The following PCYT1A variants were observed in gnomAD, a reference collection of about 807,000 sequenced individuals.
PCYT1A encodes phosphate cytidylyltransferase 1A, choline, also known as choline-phosphate cytidylyltransferase A.
PCYT1A carries 25 observed loss-of-function variants against 43.7 expected under a neutral mutation model. That is an observed-to-expected ratio of 0.57 (90% CI 0.42 to 0.80). The LOEUF (loss-of-function observed/expected upper bound fraction) is 0.80, where lower values mean the gene tolerates loss of function less well. PCYT1A is among the 30% of genes least tolerant of loss of function. The pLI, the probability that PCYT1A is intolerant of heterozygous loss-of-function variation, is 0.00. For missense variants in PCYT1A, 421 were observed against 474.2 expected (o/e 0.89, Z 1.04); for synonymous variants, 172 against 170.7 (o/e 1.01, Z -0.06).
chr3:196,279,405 A>G (rs1377793536), intron 1 of PCYT1A, among the ~76,000 whole-genome samples: 1 of 151,990 alleles, frequency 6.6e-6, no homozygotes, highest in Non-Finnish European at 1.5e-5. Flanking sequence ...CTGAAATTTG[A>G]GCACAGACTC....
At chr3:196,275,291 GA>G (rs1725552461) in intron 1 of PCYT1A, among the ~76,000 whole-genome samples, 1 of 152,248 alleles carries the variant, frequency 6.6e-6, no homozygotes, top group African/African-American at 2.4e-5. Flanking sequence ...AGCCAGACGA[GA>G]AAGACAAATA....
At chr3:196,284,119 A>G (rs1158340774) in intron 1 of PCYT1A, among the ~76,000 whole-genome samples, 3 of 152,238 alleles carry the variant, frequency 2.0e-5, no homozygotes, top group African/African-American at 7.2e-5. Context: ...TAGAAAAATC[A>G]GAAGGTCTGC....
intron 1 of PCYT1A, among the ~76,000 whole-genome samples, chr3:196,280,988 G>A (rs1476342600): frequency 6.6e-6 from 1 of 152,182 alleles, no homozygotes; most frequent in East Asian, 1.9e-4. Flanking sequence ...ATTACTACAA[G>A]GAACTATTTG....
At chr3:196,244,169 G>C (rs1194921417) in intron 5 of PCYT1A, among the ~76,000 whole-genome samples, 1 of 145,656 alleles carries the variant, frequency 6.9e-6, no homozygotes, top group Non-Finnish European at 1.5e-5. Context: ...ACTGAGGAGT[G>C]TCTCTGCCCG....
At position 196,247,858 on chromosome 3, in the gene PCYT1A, C is replaced by T; in HGVS notation, c.335-340G>A. On this transcript the variant is annotated intron_variant, in intron 4 of 8. Coordinates refer to ENST00000431016, the MANE Select transcript of PCYT1A (RefSeq NM_001312673.2). The surrounding 1 kb of genome is among the most constrained non-coding windows in gnomAD (Gnocchi z 4.8). ...CTGTTTTATTCACACTGGACTGGACCACCTAACATTTCCTTGGCAGACTTT... is the reference window on the plus strand; with the variant it reads ...CTGTTTTATTCACACTGGACTGGACTACCTAACATTTCCTTGGCAGACTTT... 2.0e-6 allele frequency: 1 copy of T among 491,492 alleles called. No individual in the cohort carries two copies. The highest frequency in any genetic ancestry group is 3.7e-6 in the Non-Finnish European group (1 of 268,512). The allele number at this position is 491,492 out of a possible 1,614,324, so 30.4% of individuals were successfully genotyped here. A position where few individuals can be genotyped will look rare whatever the true frequency, so the allele number is the denominator to read the frequency against.
At chr3:196,250,376 A>G (rs1475199062) in intron 3 of PCYT1A, among the ~76,000 whole-genome samples, 1 of 151,530 alleles carries the variant, frequency 6.6e-6, no homozygotes, top group Non-Finnish European at 1.5e-5. Context: ...CAGATACACT[A>G]TGCTGAGGCT....
At chr3:196,281,869 T>C (rs1225697268) in intron 1 of PCYT1A, among the ~76,000 whole-genome samples, 1 of 152,158 alleles carries the variant, frequency 6.6e-6, no homozygotes, top group East Asian at 1.9e-4. Flanking sequence ...AGCTAATTTT[T>C]TGTAGAGATG....
intron 2 of PCYT1A, among the ~76,000 whole-genome samples, chr3:196,259,865 T>C (rs984867470): frequency 5.5e-5 from 8 of 144,440 alleles, no homozygotes; most frequent in South Asian, 2.2e-4. Flanking sequence ...AAATCACTTA[T>C]ATAAGTTTAG....
chr3:196,257,914 G>C (rs201415424), intron 2 of PCYT1A, 27 bp from the exon 3 acceptor site: 44 of 1,415,590 alleles, frequency 3.1e-5, no homozygotes, highest in Non-Finnish European at 4.4e-5. Context: ...TGAAGGAAAA[G>C]AAAGTTCAAC....
At chr3:196,267,219 C>A in intron 2 of PCYT1A, 2 of 401,808 alleles carry the variant, frequency 5.0e-6, no homozygotes, top group Admixed American at 3.0e-5. Flanking sequence ...GTACATGTTG[C>A]AGTACGAATG....
intron 2 of PCYT1A, among the ~76,000 whole-genome samples, chr3:196,258,877 G>A (rs1302552286): frequency 2.0e-5 from 3 of 152,108 alleles, no homozygotes; most frequent in Admixed American, 6.6e-5. Context: ...GTGAGCCACC[G>A]TGCCCAGCCT....
chr3:196,254,334 TA>T (rs1368117912), intron 3 of PCYT1A, among the ~76,000 whole-genome samples: 3 of 149,954 alleles, frequency 2.0e-5, no homozygotes, highest in Non-Finnish European at 3.0e-5. Flanking sequence ...CCTATATATA[TA>T]TTTTTTTAAT....
Position 196,242,320 on chromosome 3 carries a change from G to C in PCYT1A, c.566-230C>G, listed in dbSNP as rs559871198. The C allele has an allele frequency of 1.2e-4, 76 of 652,340 alleles. No individual in the cohort carries two copies. The highest frequency in any genetic ancestry group is 8.7e-4 in the African/African-American group (48 of 55,316). 40.4% of individuals were successfully genotyped at this position (652,340 alleles called of 1,614,324 possible). On this transcript the variant is annotated intron_variant, in intron 6 of 8. Coordinates refer to ENST00000431016, the MANE Select transcript of PCYT1A (RefSeq NM_001312673.2). The surrounding 1 kb of genome is among the most constrained non-coding windows in gnomAD (Gnocchi z 4.2). ...TAATATTAAGAAAAATATGAGAAAG[G>C]GTTTCCTGAAATTAAGAGAGATATC...
At chr3:196,248,999 A>T (rs1391099928) in intron 3 of PCYT1A, among the ~76,000 whole-genome samples, 1 of 151,580 alleles carries the variant, frequency 6.6e-6, no homozygotes, top group Non-Finnish European at 1.5e-5. Flanking sequence ...TGACCTCGTG[A>T]TCCACCCGCC....
chr3:196,267,213 A>C (rs1725301728), intron 2 of PCYT1A: 2 of 393,394 alleles, frequency 5.1e-6, no homozygotes, highest in Admixed American at 6.6e-5. Flanking sequence ...GTACTTGTAC[A>C]TGTTGCAGTA....
At chr3:196,276,597 C>A (rs550397238) in intron 1 of PCYT1A, among the ~76,000 whole-genome samples, 8 of 147,962 alleles carry the variant, frequency 5.4e-5, no homozygotes, top group Middle Eastern at 3.5e-3. Flanking sequence ...AGTGAGACTC[C>A]GTCTCAAAAA....
chr3:196,246,523 A>T (rs766042329), intron 5 of PCYT1A, among the ~76,000 whole-genome samples: 3 of 152,108 alleles, frequency 2.0e-5, no homozygotes, highest in Non-Finnish European at 4.4e-5. Context: ...GGCGTGAGCC[A>T]CTGCACCTGG....
intron 3 of PCYT1A, among the ~76,000 whole-genome samples, chr3:196,254,327 A>T (rs1284499068): frequency 6.6e-6 from 1 of 151,418 alleles, no homozygotes; most frequent in Non-Finnish European, 1.5e-5. Flanking sequence ...TACCTGGCCT[A>T]TATATATATT....
At chr3:196,257,139 T>C (rs1458110232) in intron 3 of PCYT1A, among the ~76,000 whole-genome samples, 1 of 152,176 alleles carries the variant, frequency 6.6e-6, no homozygotes, top group Non-Finnish European at 1.5e-5. Context: ...ACAAATGCTC[T>C]TGGAAGTTTC....
Sources: gnomAD v4.1 joint callset for allele counts (sites outside exome capture counted in the v4.1 genomes callset) on GRCh38, gnomAD v4.1.1 for gene constraint, Gnocchi (gnomAD v3.1) non-coding constraint, MANE v1.5 for transcripts, NCBI Gene and HGNC (gene_info 2026-07-23, HGNC 2026-07-21) for gene names.